MCC: variants seen among roughly 807,000 people sequenced by gnomAD.
MCC encodes MCC regulator of Wnt signaling pathway.
In MCC, 90 loss-of-function variants were observed where a neutral mutation model predicts 116.2. The ratio of observed to expected loss-of-function variants is 0.77; its 90% confidence interval spans 0.65 to 0.92. MCC has a LOEUF of 0.92. Among genes scored for constraint, MCC ranks in the 40% least tolerant of loss-of-function variants. The pLI, the probability that MCC is intolerant of heterozygous loss-of-function variation, is 0.00. For missense variants in MCC, 1,516 were observed against 1,312.2 expected (o/e 1.16, Z -2.40); for synonymous variants, 578 against 510.5 (o/e 1.13, Z -1.78).
rs551079432 is a variant in MCC at position 113,250,424 on chromosome 5, G to A, written c.627+90095C>T. On this transcript the variant is annotated intron_variant, in intron 3 of 18. Transcript: ENST00000408903. ...TTGCTCAAAGGTCACGTAACATGAC[G>A]CAGGCAGAGCTGGGGTTAGAACCTC... Among the ~76,000 whole-genome samples, 46 of 152,326 alleles carry A rather than the reference G, an allele frequency of 3.0e-4. No homozygotes were observed. In the South Asian group the frequency reaches 7.9e-3, roughly 26 times the overall value.
intron 1 of MCC, among the ~76,000 whole-genome samples, chr5:113,447,621 T>G (rs1771260314): frequency 1.3e-5 from 2 of 152,200 alleles, no homozygotes; most frequent in Admixed American, 6.5e-5. Flanking sequence ...CTCTTATAGT[T>G]GGCTCATTCC....
chr5:113,135,736 C>G (rs1020167191), intron 5 of MCC, among the ~76,000 whole-genome samples: 1 of 151,944 alleles, frequency 6.6e-6, no homozygotes, highest in Non-Finnish European at 1.5e-5. Flanking sequence ...CCAATACCAA[C>G]TCATCCTATA....
chr5:113,444,566 C>T (rs1019477886), intron 1 of MCC, among the ~76,000 whole-genome samples: 3 of 152,158 alleles, frequency 2.0e-5, no homozygotes, highest in South Asian at 4.1e-4. Flanking sequence ...GCCTTGAGAA[C>T]AATTAAGGGA....
At chr5:113,275,137 G>A (rs1765775382) in intron 3 of MCC, among the ~76,000 whole-genome samples, 2 of 152,072 alleles carry the variant, frequency 1.3e-5, no homozygotes, top group East Asian at 1.9e-4. Flanking sequence ...TGGGCCACTG[G>A]ATTAATGAGC....
chr5:113,420,697 C>G (rs1161369455), intron 1 of MCC, among the ~76,000 whole-genome samples: 1 of 152,154 alleles, frequency 6.6e-6, no homozygotes, highest in Non-Finnish European at 1.5e-5. Context: ...ACATGCTAGT[C>G]TATTTTCCCA....
chr5:113,228,943 T>C (rs940438216), intron 3 of MCC, among the ~76,000 whole-genome samples: 6 of 152,182 alleles, frequency 3.9e-5, no homozygotes, highest in Non-Finnish European at 8.8e-5. Context: ...GCCATTTACA[T>C]ATATGGGAAA....
chr5:113,350,425 C>G (rs1768240666), intron 2 of MCC, among the ~76,000 whole-genome samples: 1 of 151,994 alleles, frequency 6.6e-6, no homozygotes. Context: ...ACAAAGGTGT[C>G]AAGAACATAC....
At chr5:113,455,775 ACT>A (rs1309023911) in intron 1 of MCC, among the ~76,000 whole-genome samples, 3 of 152,126 alleles carry the variant, frequency 2.0e-5, no homozygotes, top group Non-Finnish European at 4.4e-5. Flanking sequence ...CTATAAATAG[ACT>A]CTGGTCAGTT....
intron 3 of MCC, among the ~76,000 whole-genome samples, chr5:113,319,626 G>C (rs944123764): frequency 1.2e-4 from 18 of 152,156 alleles, no homozygotes; most frequent in Non-Finnish European, 2.2e-4. Flanking sequence ...GAAACTAGAT[G>C]CCTGTTTCCA....
rs575398054 is a variant in MCC at position 113,024,257 on chromosome 5, G to A, written c.*3045C>T. The A allele has an allele frequency of 2.0e-5, 3 of 152,330 alleles. No individual in the cohort carries two copies. The highest frequency in any genetic ancestry group is 4.4e-5 in the Non-Finnish European group (3 of 68,024). 9.4% of individuals were successfully genotyped at this position (152,330 alleles called of 1,614,324 possible). On this transcript the variant is annotated 3_prime_UTR_variant, in exon 19 of 19. Coordinates refer to ENST00000408903, the MANE Select transcript of MCC (RefSeq NM_001085377.2). ...TTAAACATAACATTTGTTTCAGGCA[G>A]CATGGATATTAACTTCAGAACGCTG...
intron 1 of MCC, among the ~76,000 whole-genome samples, chr5:113,392,764 C>T (rs1222350088): frequency 6.6e-6 from 1 of 152,068 alleles, no homozygotes; most frequent in Non-Finnish European, 1.5e-5. Flanking sequence ...TGCTCAGAAC[C>T]ACTCCATGAG....
intron 3 of MCC, among the ~76,000 whole-genome samples, chr5:113,283,174 G>A (rs1176107704): frequency 6.6e-6 from 1 of 152,220 alleles, no homozygotes; most frequent in Non-Finnish European, 1.5e-5. Flanking sequence ...CTCTTGGGCT[G>A]TATTTTATAC....
intron 3 of MCC, among the ~76,000 whole-genome samples, chr5:113,251,463 G>A (rs1346624195): frequency 6.6e-6 from 1 of 152,182 alleles, no homozygotes; most frequent in Admixed American, 6.5e-5. Flanking sequence ...TCTATAGCCA[G>A]GGTGACAAAC....
intron 3 of MCC, among the ~76,000 whole-genome samples, chr5:113,259,262 A>G (rs1311157258): frequency 6.6e-6 from 1 of 152,212 alleles, no homozygotes; most frequent in African/African-American, 2.4e-5. Context: ...CATTTGTGAG[A>G]TGCCCCATTG....
At chr5:113,234,001 A>G (rs1764039449) in intron 3 of MCC, among the ~76,000 whole-genome samples, 1 of 152,216 alleles carries the variant, frequency 6.6e-6, no homozygotes. Flanking sequence ...TACCGCAAAC[A>G]GTGGAAGGGA....
intron 3 of MCC, among the ~76,000 whole-genome samples, chr5:113,245,171 C>T (rs1012405509): frequency 1.3e-5 from 2 of 151,968 alleles, no homozygotes; most frequent in Non-Finnish European, 2.9e-5. Context: ...TGCCTGTAAT[C>T]CCAGCTATTC....
chr5:113,049,633 G>A (rs530215800), intron 15 of MCC, among the ~76,000 whole-genome samples: 60 of 152,334 alleles, frequency 3.9e-4, no homozygotes, highest in African/African-American at 1.3e-3. Context: ...GGCCTTGATG[G>A]AAACCCATTC....
At chr5:113,210,632 G>T (rs1763100131) in intron 3 of MCC, among the ~76,000 whole-genome samples, 1 of 152,138 alleles carries the variant, frequency 6.6e-6, no homozygotes, top group African/African-American at 2.4e-5. Context: ...AGGTACTCAG[G>T]CAAACATGAC....
At position 113,294,244 on chromosome 5, in the gene MCC, G is replaced by T. The variant is rs373411835; in HGVS notation, c.627+46275C>A. 124 of 1,562,844 alleles carry T rather than the reference G, an allele frequency of 7.9e-5. 7 individuals are homozygous for T. The highest frequency in any genetic ancestry group is 2.9e-4 in the South Asian group (26 of 88,386). On this transcript the variant is annotated intron_variant, in intron 3 of 18. Transcript: ENST00000408903. ...GGGAGCACAGGGGGATAGGGTGTAG[G>T]GCTGTGGGGAGGTCGAGGGGAGGGG...
Sources: allele counts gnomAD v4.1 joint callset (sites outside exome capture counted in the v4.1 genomes callset), GRCh38; gene constraint gnomAD v4.1.1; transcripts MANE v1.5; gene names NCBI Gene and HGNC (gene_info 2026-07-23, HGNC 2026-07-21).